Variants in ALKBH8 observed in about 807,000 individuals in gnomAD.
The protein encoded by ALKBH8 is tRNA (carboxymethyluridine(34)-5-O)-methyltransferase ALKBH8.
Under a neutral mutation model 59.8 loss-of-function variants are expected in ALKBH8, and 36 were observed. The ratio of observed to expected loss-of-function variants is 0.60; its 90% CI spans 0.46 to 0.79. The LOEUF is 0.79. Among genes scored for constraint, ALKBH8 ranks in the 30% least tolerant of loss-of-function variants. The pLI, the probability that ALKBH8 is intolerant of heterozygous loss-of-function variation, is 0.00. For synonymous variants in ALKBH8, 276 were observed against 273.6 expected (o/e 1.01, Z -0.09); for missense variants, 768 against 801.0 (o/e 0.96, Z 0.50).
chr11:107,512,585 T>C (rs1230135140), intron 10 of ALKBH8, among the ~76,000 whole-genome samples: 1 of 152,122 alleles, frequency 6.6e-6, no homozygotes, highest in Non-Finnish European at 1.5e-5. Context: ...AGTGCTGGGA[T>C]TACAGGCATG....
At chr11:107,537,017 G>C (rs377709376) in intron 7 of ALKBH8, among the ~76,000 whole-genome samples, 64 of 152,342 alleles carry the variant, frequency 4.2e-4, no homozygotes, top group African/African-American at 1.4e-3. Flanking sequence ...ACCAGGTAAA[G>C]CCTTTGTCAT....
At chr11:107,534,125 G>A (rs576557390) in intron 7 of ALKBH8, among the ~76,000 whole-genome samples, 5 of 152,134 alleles carry the variant, frequency 3.3e-5, no homozygotes, top group East Asian at 1.9e-4. Flanking sequence ...GCGAGACACC[G>A]TCTCACCAAA....
chr11:107,521,023 A>T (rs189163909), intron 10 of ALKBH8, among the ~76,000 whole-genome samples: 1 of 152,332 alleles, frequency 6.6e-6, no homozygotes, highest in Non-Finnish European at 1.5e-5. Flanking sequence ...ATCTATAGAT[A>T]ATTTTAAATA....
intron 10 of ALKBH8, among the ~76,000 whole-genome samples, chr11:107,519,138 T>G (rs948114506): frequency 6.6e-6 from 1 of 152,048 alleles, no homozygotes; most frequent in Non-Finnish European, 1.5e-5. Flanking sequence ...AGAGTCTCAC[T>G]CTTATTGCCC....
intron 1 of ALKBH8, 110 bp downstream of exon 1, chr11:107,565,491 C>G (rs1865094922): frequency 3.0e-5 from 44 of 1,487,198 alleles, no homozygotes; most frequent in Non-Finnish European, 4.0e-5. Flanking sequence ...TCCCCTTTCC[C>G]TAGGTTCTCA....
intron 10 of ALKBH8, 132 bp downstream of exon 10, chr11:107,522,167 C>A (rs923233312): frequency 5.4e-6 from 6 of 1,109,514 alleles, no homozygotes; most frequent in South Asian, 1.8e-5. Flanking sequence ...TAAAAAAAAT[C>A]ATTAATTTTC....
chr11:107,526,457 T>C (rs1426836760), intron 8 of ALKBH8, among the ~76,000 whole-genome samples: 1 of 151,974 alleles, frequency 6.6e-6, no homozygotes, highest in East Asian at 1.9e-4. Context: ...CCCAATTCCT[T>C]GTTAGATACA....
Position 107,505,092 on chromosome 11 carries a change from T to C in ALKBH8, c.1561A>G (p.Asn521Asp), listed in dbSNP as rs1175223347. 1 of 1,551,560 alleles carries C rather than the reference T, an allele frequency of 6.4e-7. No homozygotes were observed. Among genetic ancestry groups the C allele is most frequent in the South Asian group, 1.2e-5 (1 of 84,058 alleles). Residue 521 changes from asparagine to aspartate, a missense_variant, in exon 12 of 12, where the codon AAC becomes GAC. Physicochemically the swap from Asn to Asp is conservative, Grantham distance 23 (BLOSUM62 1). Transcript: ENST00000428149. ...NKQKSKYLRG[N>D]RNSQGKKEEM... ...TCTTTCTTTCCTTGGCTATTTCTGT[T>C]TCCTCTAAGATACTTGGACTTCTGC...
intron 7 of ALKBH8, among the ~76,000 whole-genome samples, chr11:107,545,925 A>G (rs1221573503): frequency 1.3e-5 from 2 of 152,214 alleles, no homozygotes; most frequent in East Asian, 3.8e-4. Context: ...CAACGAAGAG[A>G]AAAATAAAGC....
chr11:107,508,611 A>G (rs1263635521), intron 11 of ALKBH8, among the ~76,000 whole-genome samples: 2 of 152,126 alleles, frequency 1.3e-5, no homozygotes, highest in Non-Finnish European at 2.9e-5. Flanking sequence ...CATCTCCAGA[A>G]TTTTTTTCAT....
intron 7 of ALKBH8, among the ~76,000 whole-genome samples, chr11:107,544,858 C>T (rs868715075): frequency 8.7e-6 from 1 of 115,344 alleles, no homozygotes; most frequent in Non-Finnish European, 1.9e-5. Flanking sequence ...CACACACACA[C>T]ACAAAGAAGG....
chr11:107,547,146 A>G (rs565372562), intron 7 of ALKBH8, among the ~76,000 whole-genome samples: 2 of 152,348 alleles, frequency 1.3e-5, no homozygotes, highest in African/African-American at 2.4e-5. Flanking sequence ...AATTATTACA[A>G]TGAAATGGAA....
chr11:107,523,358 A>C (rs1228663036), intron 9 of ALKBH8, among the ~76,000 whole-genome samples: 2 of 152,154 alleles, frequency 1.3e-5, no homozygotes, highest in African/African-American at 4.8e-5. Flanking sequence ...CAGACAGAGA[A>C]GGCAAATACT....
chr11:107,506,845 G>A (rs1235020680), intron 11 of ALKBH8, among the ~76,000 whole-genome samples: 1 of 152,056 alleles, frequency 6.6e-6, no homozygotes, highest in African/African-American at 2.4e-5. Context: ...TGAAGATGTA[G>A]GAGAAAAGGA....
chr11:107,548,533 A>T (rs1864359643), intron 7 of ALKBH8, among the ~76,000 whole-genome samples: 2 of 152,194 alleles, frequency 1.3e-5, no homozygotes, highest in Admixed American at 1.3e-4. Flanking sequence ...CCAGAGAGAG[A>T]AGAGTGTTTT....
At chr11:107,515,654 G>A (rs941951127) in intron 10 of ALKBH8, among the ~76,000 whole-genome samples, 1 of 152,136 alleles carries the variant, frequency 6.6e-6, no homozygotes, top group Non-Finnish European at 1.5e-5. Context: ...ACGGTGCCCA[G>A]CCTATACTTT....
In ALKBH8 at chr11:107,557,138, G is replaced by A. The variant is rs1864753076; in HGVS notation, c.130-135C>T. 4.8e-6 allele frequency: 3 copies of A among 624,232 alleles called. No homozygotes were observed. The Admixed American group carries it at 1.2e-4, about 25-fold the overall frequency. 38.7% of individuals were successfully genotyped at this position (624,232 alleles called of 1,614,324 possible). A position where few individuals can be genotyped will look rare whatever the true frequency, so the allele number is the denominator to read the frequency against. ...AGCATTTCCTTGTAGTGGTTGTTTGGTTTGCTAATTTCATACAAAGTATGT... is the reference window on the plus strand; with the variant it reads ...AGCATTTCCTTGTAGTGGTTGTTTGATTTGCTAATTTCATACAAAGTATGT... On this transcript the variant is annotated intron_variant, in intron 2 of 11. Coordinates refer to ENST00000428149, the MANE Select transcript of ALKBH8 (RefSeq NM_138775.3).
intron 3 of ALKBH8, 111 bp downstream of exon 3, chr11:107,556,655 G>A (rs952687829): frequency 7.2e-6 from 5 of 698,752 alleles, no homozygotes; most frequent in Non-Finnish European, 1.1e-5. Flanking sequence ...AAAAGGAGCT[G>A]CTAACCTGCT....
intron 6 of ALKBH8, among the ~76,000 whole-genome samples, chr11:107,550,211 G>A (rs748603467): frequency 3.9e-5 from 6 of 152,136 alleles, no homozygotes; most frequent in African/African-American, 7.2e-5. Flanking sequence ...AAGACTAGGC[G>A]TATCAATAAT....
Sources: allele counts gnomAD v4.1 joint callset (sites outside exome capture counted in the v4.1 genomes callset), GRCh38; gene constraint gnomAD v4.1.1; transcripts MANE v1.5; gene names NCBI Gene and HGNC (gene_info 2026-07-23, HGNC 2026-07-21).